Variants in RARB observed in about 807,000 individuals in gnomAD.
RARB encodes retinoic acid receptor beta, also known as HBV-activated protein.
RARB carries 17 observed loss-of-function variants against 51.9 expected under a neutral mutation model. The observed-to-expected ratio is 0.33, with a 90% CI of 0.22 to 0.49. RARB has a LOEUF of 0.49. Ranked by LOEUF, RARB falls within the 20% of genes least tolerant of loss-of-function variation. RARB has a pLI of 0.99. For synonymous variants in RARB, 215 were observed against 195.4 expected, an observed-to-expected ratio of 1.10 and a Z score of -0.84; for missense variants, 369 against 550.8, an observed-to-expected ratio of 0.67 and a Z score of 3.30.
intron 2 of RARB, among the ~76,000 whole-genome samples, chr3:24,897,647 T>C (rs990964387): frequency 6.6e-6 from 1 of 152,220 alleles, no homozygotes; most frequent in African/African-American, 2.4e-5. Context: ...GGTTATTCTT[T>C]TTCTAGGCCT....
chr3:25,453,708 T>G (rs1010823413), intron 1 of RARB, among the ~76,000 whole-genome samples: 5 of 152,194 alleles, frequency 3.3e-5, no homozygotes, highest in African/African-American at 1.2e-4. Context: ...GTGGTCAGAA[T>G]AGCAGAGTTT....
At chr3:24,890,277 C>A (rs1438889808) in intron 2 of RARB, among the ~76,000 whole-genome samples, 1 of 152,132 alleles carries the variant, frequency 6.6e-6, no homozygotes. Flanking sequence ...TAAGCCTCAA[C>A]CTGTGTGTAT....
At chr3:24,905,047 G>T (rs1694826521) in intron 2 of RARB, among the ~76,000 whole-genome samples, 1 of 152,186 alleles carries the variant, frequency 6.6e-6, no homozygotes, top group East Asian at 1.9e-4. Context: ...ATGACGGGTT[G>T]ATGGGTGCAG....
chr3:25,058,903 G>A (rs1698494221), intron 2 of RARB, among the ~76,000 whole-genome samples: 1 of 150,306 alleles, frequency 6.7e-6, no homozygotes, highest in African/African-American at 2.4e-5. Flanking sequence ...AATTCTTATG[G>A]TAATAAAATA....
chr3:25,342,612 A>T (rs955200594), intron 5 of RARB, among the ~76,000 whole-genome samples: 1 of 152,172 alleles, frequency 6.6e-6, no homozygotes, highest in African/African-American at 2.4e-5. Flanking sequence ...ATATCAGCAA[A>T]CTGCCTATGC....
rs60915885 is a variant in RARB, at chr3:25,464,577, A to G, written c.306+3236A>G. ...CTACATTTAAGCTTGCTGGGAAAAT[A>G]CAGTGACAAAATTCACAGAACTGAG... On this transcript the variant is annotated intron_variant, in intron 2 of 7. Coordinates refer to ENST00000330688, the MANE Select transcript of RARB (RefSeq NM_000965.5). Among the ~76,000 whole-genome samples the G allele has an allele frequency of 1.0e-3, 154 of 152,318 alleles. 3 individuals carry two copies. In the East Asian group the frequency reaches 0.021, roughly 20 times the overall value.
chr3:24,870,664 C>G (rs1452225140), intron 2 of RARB, among the ~76,000 whole-genome samples: 2 of 152,084 alleles, frequency 1.3e-5, no homozygotes, highest in African/African-American at 4.8e-5. Context: ...TTCTCTCTCA[C>G]TCATTTTGCC....
At chr3:24,909,005 A>C (rs60757912) in intron 2 of RARB, among the ~76,000 whole-genome samples, 1 of 151,884 alleles carries the variant, frequency 6.6e-6, no homozygotes, top group African/African-American at 2.4e-5. Context: ...GCTATTAATA[A>C]CATTGATCTC....
At chr3:25,227,970 T>A (rs1702091911) in intron 5 of RARB, among the ~76,000 whole-genome samples, 1 of 152,086 alleles carries the variant, frequency 6.6e-6, no homozygotes, top group Admixed American at 6.6e-5. Flanking sequence ...TGCCTCTATG[T>A]CTTTTGGGAG....
At chr3:24,869,685 C>A (rs980761274) in intron 2 of RARB, among the ~76,000 whole-genome samples, 4 of 152,072 alleles carry the variant, frequency 2.6e-5, no homozygotes, top group African/African-American at 9.7e-5. Context: ...GTAGCACATT[C>A]ATTCTCTTTT....
intron 5 of RARB, among the ~76,000 whole-genome samples, chr3:25,592,380 C>T (rs1415500372): frequency 6.6e-6 from 1 of 152,208 alleles, no homozygotes; most frequent in Non-Finnish European, 1.5e-5. Context: ...TCTCTCTGTG[C>T]TTCAAGCAGC....
intron 2 of RARB, among the ~76,000 whole-genome samples, chr3:24,964,466 A>G (rs1470793264): frequency 6.6e-6 from 1 of 152,102 alleles, no homozygotes; most frequent in Admixed American, 6.5e-5. Flanking sequence ...CTAAGAGAAC[A>G]TTTTTATCAA....
At chr3:25,368,271 G>A (rs1706190086) in intron 5 of RARB, among the ~76,000 whole-genome samples, 3 of 152,042 alleles carry the variant, frequency 2.0e-5, no homozygotes, top group Non-Finnish European at 4.4e-5. Context: ...TGAAGGTCTG[G>A]GAATTTCTAG....
chr3:25,405,914 G>T (rs1575377453), intron 5 of RARB, among the ~76,000 whole-genome samples: 1 of 152,116 alleles, frequency 6.6e-6, no homozygotes, highest in South Asian at 2.1e-4. Context: ...AAAGGGGGAA[G>T]ACTGTCCAGA....
chr3:25,523,547 G>T (rs936193473), intron 3 of RARB, among the ~76,000 whole-genome samples: 2 of 152,166 alleles, frequency 1.3e-5, no homozygotes, highest in African/African-American at 4.8e-5. Flanking sequence ...GTTTCTAAGG[G>T]GAGTGCCCTT....
At chr3:25,513,244 G>C (rs968077694) in intron 3 of RARB, among the ~76,000 whole-genome samples, 1 of 151,782 alleles carries the variant, frequency 6.6e-6, no homozygotes, top group Non-Finnish European at 1.5e-5. Context: ...CTGAGATCGC[G>C]CCACCGCACT....
At chr3:24,975,527 A>G (rs1696491575) in intron 2 of RARB, among the ~76,000 whole-genome samples, 1 of 152,182 alleles carries the variant, frequency 6.6e-6, no homozygotes, top group Admixed American at 6.6e-5. Flanking sequence ...CAGAAAGAGA[A>G]TACATACATT....
At chr3:25,314,934 A>G (rs187308986) in intron 5 of RARB, among the ~76,000 whole-genome samples, 198 of 152,338 alleles carry the variant, frequency 1.3e-3, no homozygotes, top group South Asian at 4.6e-3. Context: ...TTATGAGAAC[A>G]TGGATGTAGC....
intron 5 of RARB, among the ~76,000 whole-genome samples, chr3:25,214,332 C>T (rs967014316): frequency 1.3e-5 from 2 of 152,060 alleles, no homozygotes; most frequent in African/African-American, 4.8e-5. Context: ...GACTTCCTAC[C>T]AATAAGATCT....
Sources: allele counts gnomAD v4.1 joint callset (sites outside exome capture counted in the v4.1 genomes callset), GRCh38; gene constraint gnomAD v4.1.1; transcripts MANE v1.5; gene names NCBI Gene and HGNC (gene_info 2026-07-23, HGNC 2026-07-21).